Variants in ADORA2B observed in about 807,000 individuals in gnomAD.
ADORA2B encodes adenosine receptor A2b.
In ADORA2B, 18 loss-of-function variants were observed where a neutral mutation model predicts 20.8. The observed-to-expected ratio is 0.87, with a 90% CI of 0.60 to 1.29. The LOEUF (loss-of-function observed/expected upper bound fraction) is 1.29. ADORA2B is among the 50% of genes most tolerant of loss of function. ADORA2B has a pLI of 0.00. For synonymous variants in ADORA2B, 179 were observed against 178.3 expected, an observed-to-expected ratio of 1.00 and a Z score of -0.03; for missense variants, 441 against 422.7, an observed-to-expected ratio of 1.04 and a Z score of -0.38.
upstream of ADORA2B, among the ~76,000 whole-genome samples, chr17:15,943,480 C>T (rs79717710): frequency 0.031 from 4,660 of 152,258 alleles, 245 homozygotes; most frequent in African/African-American, 0.11. Context: ...GCACCTGCCA[C>T]CGTGCCTGGC....
In ADORA2B at chr17:15,975,619, G is replaced by A. The variant is rs546618434; in HGVS notation, c.*277G>A. On this transcript the variant is annotated 3_prime_UTR_variant, in exon 2 of 2. Coordinates refer to ENST00000304222, the MANE Select transcript of ADORA2B (RefSeq NM_000676.4). ...CTAACAGACTCTTTTGTTTTTAAAA[G>A]TCTGCCTTGTTTATGGTGGAAAATT... The A allele has an allele frequency of 2.0e-4, 81 of 409,402 alleles. 4 individuals carry two copies. The South Asian group carries it at 3.9e-3, about 20-fold the overall frequency. The allele number at this position is 409,402 out of a possible 1,614,324, so 25.4% of individuals were successfully genotyped here. A position where few individuals can be genotyped will look rare whatever the true frequency, so the allele number is the denominator to read the frequency against.
chr17:15,939,859 CAAAAAAA>C, the ADORA2B span, among the ~76,000 whole-genome samples: 1 of 53,366 alleles, frequency 1.9e-5, no homozygotes, highest in African/African-American at 6.9e-5. Flanking sequence ...GACTCTGTCT[CAAAAAAA>C]AAAAAAAAAA....
At chr17:15,957,763 C>G (rs1969986295) in intron 1 of ADORA2B, among the ~76,000 whole-genome samples, 1 of 152,104 alleles carries the variant, frequency 6.6e-6, no homozygotes, top group Non-Finnish European at 1.5e-5. Flanking sequence ...CTTCCCTTCC[C>G]CATTTAAATG....
At chr17:15,958,298 G>A (rs188365977) in intron 1 of ADORA2B, among the ~76,000 whole-genome samples, 5 of 152,256 alleles carry the variant, frequency 3.3e-5, no homozygotes, top group East Asian at 3.9e-4. Context: ...GATTGCAGGC[G>A]TGAGCCACCA....
chr17:15,924,384 T>A, the ADORA2B span, among the ~76,000 whole-genome samples: 1 of 152,248 alleles, frequency 6.6e-6, no homozygotes, highest in Non-Finnish European at 1.5e-5. Flanking sequence ...GGATTTATCT[T>A]GAAGTACATG....
At position 15,945,204 on chromosome 17, in the gene ADORA2B, G is replaced by A. The variant is rs1330702699; in HGVS notation, c.-45G>A. The A allele has an allele frequency of 2.9e-6, 4 of 1,371,874 alleles. No individual in the cohort carries two copies. Among genetic ancestry groups the A allele is most frequent in the African/African-American group, 3.1e-5 (2 of 65,082 alleles). The allele number at this position is 1,371,874 out of a possible 1,614,324, so 85.0% of individuals were successfully genotyped here. Reference sequence around the variant, plus strand: ...GGTCTCACGCGGCTGCCCCTCGCCCGGCGCGCCTTCGGTAGGGGGCGCCCG... The same window carrying A: ...GGTCTCACGCGGCTGCCCCTCGCCCAGCGCGCCTTCGGTAGGGGGCGCCCG... On this transcript the variant is annotated 5_prime_UTR_variant, in exon 1 of 2. Transcript: ENST00000304222.
intron 1 of ADORA2B, among the ~76,000 whole-genome samples, chr17:15,965,557 GGGGAA>G (rs2151605634): frequency 6.6e-6 from 1 of 152,378 alleles, no homozygotes; most frequent in South Asian, 2.1e-4. Context: ...CAGGTGGCCA[GGGGAA>G]GGATGTTGGT....
the ADORA2B span, among the ~76,000 whole-genome samples, chr17:15,903,530 C>T: frequency 6.6e-6 from 1 of 152,130 alleles, no homozygotes; most frequent in Non-Finnish European, 1.5e-5. Flanking sequence ...AGACCCTCCC[C>T]CCAAGCACCT....
intron 1 of ADORA2B, among the ~76,000 whole-genome samples, chr17:15,958,096 G>A (rs542780978): frequency 4.0e-5 from 6 of 149,298 alleles, no homozygotes; most frequent in Admixed American, 2.0e-4. Context: ...CTTGGTCACC[G>A]CAACCTCTGT....
the ADORA2B span, among the ~76,000 whole-genome samples, chr17:15,912,656 C>G: frequency 3.7e-4 from 57 of 152,346 alleles, 1 homozygote; most frequent in Admixed American, 2.7e-3. Context: ...TGATCACCTG[C>G]AGCTGTCTTC....
intron 1 of ADORA2B, among the ~76,000 whole-genome samples, chr17:15,967,245 T>C (rs1286409235): frequency 4.0e-5 from 6 of 150,268 alleles, no homozygotes; most frequent in African/African-American, 1.5e-4. Context: ...TTTTTTTTTT[T>C]CGAGATGGAG....
the ADORA2B span, among the ~76,000 whole-genome samples, chr17:15,872,636 GGTTTTT>G: frequency 3.3e-5 from 5 of 152,026 alleles, no homozygotes; most frequent in African/African-American, 9.7e-5. Flanking sequence ...TATATTCCTA[GGTTTTT>G]GTTTTTGTTT....
chr17:15,852,700 T>G, the ADORA2B span, among the ~76,000 whole-genome samples: 1 of 152,344 alleles, frequency 6.6e-6, no homozygotes, highest in African/African-American at 2.4e-5. Context: ...AGAAATGTTG[T>G]AACTTAAAAA....
At chr17:15,855,885 T>A in the ADORA2B span, among the ~76,000 whole-genome samples, 1 of 152,020 alleles carries the variant, frequency 6.6e-6, no homozygotes, top group Non-Finnish European at 1.5e-5. Context: ...GTTGCCATCT[T>A]TTTGTCCTCT....
chr17:15,901,459 C>A, the ADORA2B span, among the ~76,000 whole-genome samples: 3 of 150,700 alleles, frequency 2.0e-5, no homozygotes, highest in African/African-American at 2.4e-5. Flanking sequence ...AGCGAAACTC[C>A]ATCTCAAAAG....
At chr17:15,853,185 A>C in the ADORA2B span, among the ~76,000 whole-genome samples, 1 of 152,272 alleles carries the variant, frequency 6.6e-6, no homozygotes, top group South Asian at 2.1e-4. Flanking sequence ...AACAAAAATG[A>C]TGGAAGCCAG....
chr17:15,950,725 G>A (rs528233906), intron 1 of ADORA2B, among the ~76,000 whole-genome samples: 8 of 152,278 alleles, frequency 5.3e-5, no homozygotes, highest in African/African-American at 1.9e-4. Context: ...GAGACACAGA[G>A]AGTGAAATCC....
chr17:15,948,403 G>GA (rs1969843824), intron 1 of ADORA2B, among the ~76,000 whole-genome samples: 2 of 37,944 alleles, frequency 5.3e-5, no homozygotes, highest in South Asian at 1.6e-3. Flanking sequence ...CCTGGCGGCG[G>GA]GGGGCTCCAG....
At chr17:15,888,902 G>A in the ADORA2B span, among the ~76,000 whole-genome samples, 408 of 63,782 alleles carry the variant, frequency 6.4e-3, 62 homozygotes, top group African/African-American at 0.03. Context: ...TCACTTTGTT[G>A]CCCAGGCTGG....
Sources: gnomAD v4.1 joint callset for allele counts (sites outside exome capture counted in the v4.1 genomes callset) on GRCh38, gnomAD v4.1.1 for gene constraint, MANE v1.5 for transcripts, NCBI Gene and HGNC (gene_info 2026-07-23, HGNC 2026-07-21) for gene names.